The following CSMD1 variants were observed in gnomAD, a reference collection of about 807,000 sequenced individuals.
CSMD1 encodes CUB and sushi domain-containing protein 1.
A neutral mutation model predicts 417.5 loss-of-function variants in CSMD1; 213 were observed. The observed-to-expected ratio is 0.51, with a 90% CI of 0.46 to 0.57. The LOEUF (loss-of-function observed/expected upper bound fraction) is 0.57, where lower values mean the gene tolerates loss of function less well. Ranked by LOEUF, CSMD1 falls within the 20% of genes least tolerant of loss-of-function variation. The pLI is 0.00. For missense variants in CSMD1, 6,923 were observed against 4,529.7 expected (o/e 1.53, Z -15.17); for synonymous variants, 2,862 against 1,736.8 (o/e 1.65, Z -16.11).
intron 3 of CSMD1, among the ~76,000 whole-genome samples, chr8:4,055,109 C>A (rs1395948348): frequency 6.6e-6 from 1 of 152,112 alleles, no homozygotes; most frequent in East Asian, 1.9e-4. Flanking sequence ...TTTCTTTGAG[C>A]TTTGTGTAGT....
intron 9 of CSMD1, among the ~76,000 whole-genome samples, chr8:3,580,285 A>C (rs1440043742): frequency 2.0e-5 from 3 of 152,126 alleles, no homozygotes; most frequent in Non-Finnish European, 2.9e-5. Context: ...AGGCAGATAA[A>C]AGATTTGTAA....
At chr8:4,642,457 A>T (rs924457609) in intron 1 of CSMD1, among the ~76,000 whole-genome samples, 3 of 152,202 alleles carry the variant, frequency 2.0e-5, no homozygotes, top group Non-Finnish European at 2.9e-5. Flanking sequence ...GCAGTGGCAC[A>T]TACTTTTCCT....
chr8:4,781,893 C>G (rs76967009), intron 1 of CSMD1, among the ~76,000 whole-genome samples: 1,544 of 152,286 alleles, frequency 0.01, 12 homozygotes, highest in East Asian at 0.049. Context: ...ACTTATACCA[C>G]ATACCCAGCT....
intron 3 of CSMD1, among the ~76,000 whole-genome samples, chr8:4,396,773 C>A (rs957906633): frequency 8.6e-5 from 13 of 152,022 alleles, no homozygotes; most frequent in African/African-American, 3.1e-4. Flanking sequence ...TGAAGTACCT[C>A]AGGAATAGAA....
intron 3 of CSMD1, among the ~76,000 whole-genome samples, chr8:4,339,618 T>C (rs1031611201): frequency 2.0e-5 from 3 of 152,134 alleles, no homozygotes; most frequent in African/African-American, 7.2e-5. Flanking sequence ...CGCTCAATGA[T>C]TACCTGCCCA....
At chr8:4,197,382 T>G (rs1293645068) in intron 3 of CSMD1, among the ~76,000 whole-genome samples, 1 of 152,198 alleles carries the variant, frequency 6.6e-6, no homozygotes, top group African/African-American at 2.4e-5. Flanking sequence ...TCTGTGGTGG[T>G]GTTTTTACAT....
At chr8:3,982,075 G>A (rs1359389912) in intron 5 of CSMD1, among the ~76,000 whole-genome samples, 2 of 151,634 alleles carry the variant, frequency 1.3e-5, no homozygotes, top group Admixed American at 1.3e-4. Context: ...GGAGAATGGG[G>A]TGAACCTGGG....
intron 2 of CSMD1, among the ~76,000 whole-genome samples, chr8:4,435,800 G>A (rs1174678806): frequency 1.3e-5 from 2 of 152,194 alleles, no homozygotes; most frequent in African/African-American, 4.8e-5. Flanking sequence ...ATAGAAGACA[G>A]ACCGTGTCCC....
At chr8:4,417,991 A>T (rs550199765) in intron 3 of CSMD1, among the ~76,000 whole-genome samples, 1 of 152,070 alleles carries the variant, frequency 6.6e-6, no homozygotes, top group Non-Finnish European at 1.5e-5. Flanking sequence ...ACTTAAGACT[A>T]TAATTGATAA....
chr8:4,002,969 A>T (rs1023147537), intron 4 of CSMD1, among the ~76,000 whole-genome samples: 1 of 152,224 alleles, frequency 6.6e-6, no homozygotes. Flanking sequence ...AAATAACTTT[A>T]TAAGTAAACC....
Position 4,035,391 on chromosome 8 carries a change from C to G in CSMD1, c.416-3292G>C, listed in dbSNP as rs539286993. Among the ~76,000 whole-genome samples the G allele has an allele frequency of 1.1e-4, 16 of 152,120 alleles. No homozygotes were observed. The East Asian group carries it at 2.9e-3, about 28-fold the overall frequency. ...ATTATTTCAGAGTGTGCTTCTTCTA[C>G]TAAAAAAAAATTACGATTTTACTGT... On this transcript the variant is annotated intron_variant, in intron 3 of 69. Transcript: ENST00000635120.
intron 18 of CSMD1, among the ~76,000 whole-genome samples, chr8:3,372,252 T>G (rs1810003824): frequency 6.6e-6 from 1 of 152,082 alleles, no homozygotes; most frequent in Admixed American, 6.6e-5. Flanking sequence ...GAGAAAGTGG[T>G]TAGGACCAGG....
At chr8:3,493,905 T>C (rs1796249261) in intron 10 of CSMD1, among the ~76,000 whole-genome samples, 179 bp from the exon 11 acceptor site, 1 of 152,206 alleles carries the variant, frequency 6.6e-6, no homozygotes, top group African/African-American at 2.4e-5. Context: ...AGCCTGGCAT[T>C]ATAGAATTTT....
chr8:4,323,167 G>C (rs1427948542), intron 3 of CSMD1, among the ~76,000 whole-genome samples: 2 of 152,184 alleles, frequency 1.3e-5, no homozygotes, highest in Non-Finnish European at 2.9e-5. Flanking sequence ...ACAAGCTTTG[G>C]TTATACAATT....
intron 23 of CSMD1, among the ~76,000 whole-genome samples, chr8:3,330,854 C>A (rs1806845946): frequency 6.6e-6 from 1 of 152,124 alleles, no homozygotes; most frequent in African/African-American, 2.4e-5. Context: ...GATACTATAG[C>A]AAAACTGTTT....
chr8:3,579,301 T>C (rs1282581050), intron 9 of CSMD1, among the ~76,000 whole-genome samples: 1 of 151,960 alleles, frequency 6.6e-6, no homozygotes, highest in Middle Eastern at 3.2e-3. Flanking sequence ...ATTTGTTAAG[T>C]ATAAAATAGG....
intron 26 of CSMD1, among the ~76,000 whole-genome samples, chr8:3,235,870 A>G (rs1017669417): frequency 6.6e-6 from 1 of 151,462 alleles, no homozygotes; most frequent in South Asian, 2.1e-4. Context: ...GAAATACTGC[A>G]TCTACATAAT....
chr8:4,620,356 A>T (rs1290331003), intron 2 of CSMD1, among the ~76,000 whole-genome samples: 1 of 151,658 alleles, frequency 6.6e-6, no homozygotes, highest in African/African-American at 2.4e-5. Flanking sequence ...CTACTAACAT[A>T]GACATCAATA....
At position 4,111,945 on chromosome 8, in the gene CSMD1, G is replaced by C. The variant is rs376433851; in HGVS notation, c.416-79846C>G. On this transcript the variant is annotated intron_variant, in intron 3 of 69. Transcript: ENST00000635120. ...TTAAAATAAATAAAGTATGGCAAAA[G>C]CACAGTCTCTGTAATTTTACATACA... 7.9e-4 allele frequency among the ~76,000 whole-genome samples: 120 copies of C among 151,924 alleles called. 1 individual carries two copies. The highest frequency in any genetic ancestry group is 2.7e-3 in the African/African-American group (112 of 41,504).
Sources: allele counts gnomAD v4.1 joint callset (sites outside exome capture counted in the v4.1 genomes callset), GRCh38; gene constraint gnomAD v4.1.1; transcripts MANE v1.5; gene names NCBI Gene and HGNC (gene_info 2026-07-23, HGNC 2026-07-21).